FNDC3B: variants seen among roughly 807,000 people sequenced by gnomAD.
FNDC3B encodes the protein fibronectin type III domain containing 3B.
Under a neutral mutation model 151.5 loss-of-function variants are expected in FNDC3B, and 12 were observed. The observed-to-expected ratio is 0.08, with a 90% CI of 0.05 to 0.13. The LOEUF is 0.13. Ranked by LOEUF, FNDC3B falls within the 10% of genes least tolerant of loss-of-function variation. FNDC3B has a pLI of 1.00. For missense variants in FNDC3B, 1,214 were observed against 1,505.3 expected (o/e 0.81, Z 3.20); for synonymous variants, 528 against 549.0 (o/e 0.96, Z 0.54).
intron 3 of FNDC3B, among the ~76,000 whole-genome samples, chr3:172,192,561 A>G (rs144806451): frequency 6.6e-6 from 1 of 152,250 alleles, no homozygotes; most frequent in East Asian, 1.9e-4. Context: ...CTCTAATCTG[A>G]GTGAATAGAG....
intron 3 of FNDC3B, 76 bp from the exon 4 acceptor site, chr3:172,226,795 T>C: frequency 1.1e-6 from 1 of 949,572 alleles, no homozygotes; most frequent in Non-Finnish European, 1.7e-6. Flanking sequence ...TCAGTTTGGA[T>C]AGTACATTGA....
At chr3:172,166,241 A>T (rs1722995778) in intron 3 of FNDC3B, among the ~76,000 whole-genome samples, 1 of 152,206 alleles carries the variant, frequency 6.6e-6, no homozygotes, top group African/African-American at 2.4e-5. Flanking sequence ...TTTTCCCAGT[A>T]TATATTGGAC....
intron 3 of FNDC3B, among the ~76,000 whole-genome samples, chr3:172,209,951 G>A (rs956144775): frequency 2.4e-4 from 37 of 152,218 alleles, no homozygotes; most frequent in South Asian, 1.2e-3. Flanking sequence ...ACACACATCC[G>A]GCTGGCTCGC....
At chr3:172,149,806 G>GTTTTTTTTTTTTTTTTTTTTT (rs10561622) in intron 3 of FNDC3B, among the ~76,000 whole-genome samples, 1 of 52,458 alleles carries the variant, frequency 1.9e-5, no homozygotes, top group African/African-American at 7.8e-5. Context: ...TATGTTGGGT[G>GTTTTTTTTTTTTTTTTTTTTT]TTTTTTTTTT....
At chr3:172,121,741 G>A (rs1433584804) in intron 2 of FNDC3B, among the ~76,000 whole-genome samples, 1 of 152,148 alleles carries the variant, frequency 6.6e-6, no homozygotes, top group East Asian at 1.9e-4. Context: ...ATGTATGTAT[G>A]TAAGTATTTA....
intron 1 of FNDC3B, among the ~76,000 whole-genome samples, chr3:172,093,463 T>C (rs1239860439): frequency 1.3e-5 from 2 of 151,828 alleles, no homozygotes; most frequent in Non-Finnish European, 2.9e-5. Context: ...TTTCATCGTG[T>C]TAGCCAGGAT....
In FNDC3B at chr3:172,383,244, G is replaced by T. The variant is rs184913247; in HGVS notation, c.3303+2151G>T. Among the ~76,000 whole-genome samples the T allele has an allele frequency of 2.0e-5, 3 of 152,320 alleles. No homozygotes were observed. In the East Asian group the frequency reaches 5.8e-4, roughly 29 times the overall value. On this transcript the variant is annotated intron_variant, in intron 25 of 25. Coordinates refer to ENST00000415807, the MANE Select transcript of FNDC3B (RefSeq NM_022763.4). ...CTCTTTGTAGCAATTGTGAATGGGA[G>T]TTTGCTCATGATTTGGCTGTTTGTC...
chr3:172,132,293 A>G (rs186597571), intron 2 of FNDC3B, among the ~76,000 whole-genome samples: 15 of 152,346 alleles, frequency 9.8e-5, no homozygotes, highest in African/African-American at 3.1e-4. Flanking sequence ...GCTTGTTCCG[A>G]TAACTGTAGG....
intron 3 of FNDC3B, among the ~76,000 whole-genome samples, chr3:172,201,612 T>G (rs1725158134): frequency 6.6e-6 from 1 of 152,198 alleles, no homozygotes; most frequent in South Asian, 2.1e-4. Flanking sequence ...CTGGTGGGTA[T>G]TAACTATCTT....
intron 3 of FNDC3B, among the ~76,000 whole-genome samples, chr3:172,171,504 C>T (rs1455677623): frequency 6.6e-6 from 1 of 151,762 alleles, no homozygotes; most frequent in Non-Finnish European, 1.5e-5. Context: ...CTGGCATGAA[C>T]AGGGAACACA....
intron 10 of FNDC3B, among the ~76,000 whole-genome samples, chr3:172,309,858 T>C (rs1292858246): frequency 6.6e-6 from 1 of 152,226 alleles, no homozygotes; most frequent in South Asian, 2.1e-4. Context: ...GATATTGATA[T>C]TAAACAGCTA....
At chr3:172,080,437 A>C (rs1718223893) in intron 1 of FNDC3B, among the ~76,000 whole-genome samples, 1 of 95,588 alleles carries the variant, frequency 1.0e-5, no homozygotes, top group Non-Finnish European at 2.2e-5. Context: ...TGCCTGGCTA[A>C]TTTAAATTTT....
At chr3:172,125,886 T>C (rs372174052) in intron 2 of FNDC3B, among the ~76,000 whole-genome samples, 19 of 152,304 alleles carry the variant, frequency 1.2e-4, no homozygotes, top group South Asian at 8.3e-4. Context: ...TTCTTTGTTT[T>C]AGGTTGATGA....
At chr3:172,308,869 CTT>C (rs780679566) in intron 10 of FNDC3B, among the ~76,000 whole-genome samples, 12 of 152,036 alleles carry the variant, frequency 7.9e-5, no homozygotes, top group Non-Finnish European at 1.6e-4. Flanking sequence ...GTAAATATAT[CTT>C]TGTAAGGAAA....
chr3:172,183,202 ATTTAAAAACACAATTGGT>A (rs1724005142), intron 3 of FNDC3B, among the ~76,000 whole-genome samples: 1 of 152,238 alleles, frequency 6.6e-6, no homozygotes, highest in South Asian at 2.1e-4. Context: ...AAGTTTGATG[ATTTAAAAACACAATTGGT>A]TATAAAAATT....
At chr3:172,067,244 T>C (rs1198586137) in intron 1 of FNDC3B, among the ~76,000 whole-genome samples, 1 of 152,224 alleles carries the variant, frequency 6.6e-6, no homozygotes, top group African/African-American at 2.4e-5. Flanking sequence ...TTTCTGTATA[T>C]AATGTGGCGC....
At chr3:172,080,405 C>T (rs755562928) in intron 1 of FNDC3B, among the ~76,000 whole-genome samples, 9 of 151,742 alleles carry the variant, frequency 5.9e-5, no homozygotes, top group African/African-American at 2.2e-4. Context: ...CAAGTAGCTA[C>T]GGCTGTAAGT....
chr3:172,288,891 C>T (rs939441406), intron 7 of FNDC3B, among the ~76,000 whole-genome samples: 1 of 152,142 alleles, frequency 6.6e-6, no homozygotes, highest in Admixed American at 6.5e-5. Context: ...ATCCAGGTTG[C>T]CTGGGCTGAA....
intron 2 of FNDC3B, among the ~76,000 whole-genome samples, chr3:172,119,495 A>G (rs1004989991): frequency 6.6e-6 from 1 of 152,148 alleles, no homozygotes; most frequent in Non-Finnish European, 1.5e-5. Flanking sequence ...GGATTGGGAT[A>G]AGTGGGCAGG....
Sources: gnomAD v4.1 joint callset for allele counts (sites outside exome capture counted in the v4.1 genomes callset) on GRCh38, gnomAD v4.1.1 for gene constraint, MANE v1.5 for transcripts, NCBI Gene and HGNC (gene_info 2026-07-23, HGNC 2026-07-21) for gene names.